SUMF1: variants seen among roughly 807,000 people sequenced by gnomAD.
SUMF1 encodes the protein formylglycine-generating enzyme.
Under a neutral mutation model 47.6 loss-of-function variants are expected in SUMF1, and 48 were observed. That is an observed-to-expected ratio of 1.01 (90% CI 0.80 to 1.28). The LOEUF is 1.28. SUMF1 is among the 50% of genes most tolerant of loss of function. The probability of loss-of-function intolerance (pLI) is 0.00; values close to 1 mark genes in which losing one functional copy is unlikely to be tolerated. For missense variants in SUMF1, 571 were observed against 485.4 expected, an observed-to-expected ratio of 1.18 and a Z score of -1.66; for synonymous variants, 230 against 192.1, an observed-to-expected ratio of 1.20 and a Z score of -1.63.
intron 8 of SUMF1, among the ~76,000 whole-genome samples, chr3:4,175,901 T>A (rs1432672627): frequency 6.6e-6 from 1 of 152,124 alleles, no homozygotes; most frequent in African/African-American, 2.4e-5. Flanking sequence ...TGCACAAGCT[T>A]CAATAGCCGA....
intron 8 of SUMF1, among the ~76,000 whole-genome samples, chr3:4,139,609 T>C (rs537240048): frequency 1.3e-5 from 2 of 151,530 alleles, no homozygotes; most frequent in East Asian, 3.9e-4. Flanking sequence ...CACACATTTC[T>C]TAAGGGGAGA....
chr3:4,074,524 A>T (rs1353907983), intron 8 of SUMF1, among the ~76,000 whole-genome samples: 1 of 152,112 alleles, frequency 6.6e-6, no homozygotes, highest in Non-Finnish European at 1.5e-5. Flanking sequence ...ACACAAAAAA[A>T]CCCTTCAAAA....
At chr3:4,062,461 G>A (rs572364495) in intron 9 of SUMF1, among the ~76,000 whole-genome samples, 11 of 152,258 alleles carry the variant, frequency 7.2e-5, no homozygotes, top group South Asian at 4.1e-4. Context: ...GCTGCCAGAC[G>A]AGGTGTCAGA....
At chr3:4,449,609 TCTTGAAGGAAATACATTTC>T (rs1465810495) in intron 2 of SUMF1, among the ~76,000 whole-genome samples, 16 of 152,344 alleles carry the variant, frequency 1.1e-4, no homozygotes, top group African/African-American at 3.4e-4. Flanking sequence ...ACGTGACTGT[TCTTGAAGGAAATACATTTC>T]CCCAAGTATC....
chr3:4,102,498 G>A (rs1341387483), intron 8 of SUMF1, among the ~76,000 whole-genome samples: 1 of 152,092 alleles, frequency 6.6e-6, no homozygotes, highest in Non-Finnish European at 1.5e-5. Flanking sequence ...TCAGTAGTGA[G>A]GGTAAACTCT....
intron 8 of SUMF1, among the ~76,000 whole-genome samples, chr3:4,177,983 T>C (rs961628723): frequency 4.6e-5 from 7 of 152,158 alleles, no homozygotes; most frequent in Admixed American, 3.9e-4. Context: ...TGCTGAAGAC[T>C]AAACCAGGAA....
chr3:4,430,013 T>C (rs935952841), intron 3 of SUMF1, among the ~76,000 whole-genome samples: 2 of 152,208 alleles, frequency 1.3e-5, no homozygotes, highest in African/African-American at 4.8e-5. Context: ...TCTGAGAAGA[T>C]ATCTACTGAA....
chr3:4,249,806 C>T lies in SUMF1; in HGVS notation c.1014+126524G>A, dbSNP rs1035847708. ...AAGCTAGGCCTCTTGTACCAGTTAC[C>T]TAAGTTGTGAATGCAAAGGAAAACT... On this transcript the variant is annotated intron_variant and NMD_transcript_variant, in intron 8 of 12. Transcript: ENST00000448413. Among the ~76,000 whole-genome samples the T allele has an allele frequency of 2.0e-5, 3 of 152,162 alleles. No homozygotes were observed. The East Asian group carries it at 5.8e-4, about 29-fold the overall frequency.
intron 7 of SUMF1, among the ~76,000 whole-genome samples, chr3:4,396,402 T>C (rs1701039373): frequency 6.6e-6 from 1 of 152,200 alleles, no homozygotes; most frequent in Non-Finnish European, 1.5e-5. Flanking sequence ...AGAAAGTGTC[T>C]GCAAAATAAC....
intron 8 of SUMF1, among the ~76,000 whole-genome samples, chr3:4,089,603 A>T (rs542682487): frequency 4.6e-4 from 70 of 152,138 alleles, no homozygotes; most frequent in Non-Finnish European, 8.2e-4. Context: ...AAAGCACTGG[A>T]TAAAAAACTA....
intron 7 of SUMF1, among the ~76,000 whole-genome samples, chr3:4,390,851 A>T (rs554173279): frequency 6.6e-6 from 1 of 152,272 alleles, no homozygotes; most frequent in South Asian, 2.1e-4. Context: ...TGAGGTCTTC[A>T]GCCACTCTGC....
chr3:4,162,183 T>C (rs1694593048), intron 8 of SUMF1, among the ~76,000 whole-genome samples: 1 of 152,136 alleles, frequency 6.6e-6, no homozygotes, highest in African/African-American at 2.4e-5. Context: ...ATATCCAAGT[T>C]GCAAGACAAA....
At chr3:4,175,321 G>T (rs1326375779) in intron 8 of SUMF1, among the ~76,000 whole-genome samples, 4 of 152,116 alleles carry the variant, frequency 2.6e-5, no homozygotes, top group Non-Finnish European at 5.9e-5. Context: ...GCCCCTCTGA[G>T]ATGAAACTTC....
chr3:4,250,479 T>C (rs553365736), intron 8 of SUMF1, among the ~76,000 whole-genome samples: 4 of 152,084 alleles, frequency 2.6e-5, no homozygotes, highest in East Asian at 3.9e-4. Flanking sequence ...CCAGAAGATA[T>C]AGCCAAGATA....
intron 8 of SUMF1, among the ~76,000 whole-genome samples, chr3:4,178,854 A>G (rs1430454699): frequency 6.6e-6 from 1 of 152,204 alleles, no homozygotes; most frequent in Non-Finnish European, 1.5e-5. Context: ...CTCAGGATAC[A>G]AAATCAATGT....
intron 8 of SUMF1, among the ~76,000 whole-genome samples, chr3:4,250,486 G>T (rs951626793): frequency 6.6e-6 from 1 of 152,154 alleles, no homozygotes; most frequent in Admixed American, 6.5e-5. Flanking sequence ...ATATAGCCAA[G>T]ATAATTCATA....
At chr3:4,112,807 C>CTGTTCTCACTGAAAG (rs1693338597) in intron 8 of SUMF1, among the ~76,000 whole-genome samples, 1 of 152,144 alleles carries the variant, frequency 6.6e-6, no homozygotes, top group Non-Finnish European at 1.5e-5. Flanking sequence ...TGAGAACAAG[C>CTGTTCTCACTGAAAG]TGTGCTTTCA....
At chr3:4,147,355 C>A (rs1426066784) in intron 8 of SUMF1, among the ~76,000 whole-genome samples, 3 of 152,126 alleles carry the variant, frequency 2.0e-5, no homozygotes, top group African/African-American at 7.2e-5. Context: ...GCTATAAAGA[C>A]ACATGCACAC....
intron 9 of SUMF1, among the ~76,000 whole-genome samples, chr3:4,044,595 C>A (rs534195168): frequency 6.6e-6 from 1 of 152,284 alleles, no homozygotes; most frequent in East Asian, 1.9e-4. Context: ...TATAATTAAA[C>A]CAATAACTTG....
Sources: gnomAD v4.1 joint callset for allele counts (sites outside exome capture counted in the v4.1 genomes callset) on GRCh38, gnomAD v4.1.1 for gene constraint, MANE v1.5 for transcripts, NCBI Gene and HGNC (gene_info 2026-07-23, HGNC 2026-07-21) for gene names.